NEK9: variants seen among roughly 807,000 people sequenced by gnomAD.
NEK9 encodes the protein NIMA related kinase 9, also known as serine/threonine-protein kinase Nek9.
A neutral mutation model predicts 123.4 loss-of-function variants in NEK9; 75 were observed. That is an observed-to-expected ratio of 0.61 (90% confidence interval 0.50 to 0.74). The LOEUF is 0.74. Among genes scored for constraint, NEK9 ranks in the 30% least tolerant of loss-of-function variants. The probability of loss-of-function intolerance (pLI) is 0.00; values close to 1 mark genes in which losing one functional copy is unlikely to be tolerated. For missense variants in NEK9, 952 were observed against 1,214.4 expected (o/e 0.78, Z 3.21); for synonymous variants, 438 against 458.7 (o/e 0.95, Z 0.58).
intron 2 of NEK9, among the ~76,000 whole-genome samples, chr14:75,121,825 G>A (rs562452334): frequency 2.0e-5 from 3 of 152,258 alleles, no homozygotes; most frequent in South Asian, 2.1e-4. Context: ...AGCTGGGATC[G>A]CACCACTGCA....
At chr14:75,113,032 G>A (rs1895008362) in intron 8 of NEK9, among the ~76,000 whole-genome samples, 1 of 152,178 alleles carries the variant, frequency 6.6e-6, no homozygotes, top group South Asian at 2.1e-4. Context: ...CAAACATAAG[G>A]ATGTCTGAGT....
intron 5 of NEK9, among the ~76,000 whole-genome samples, chr14:75,118,385 C>T (rs1895210244): frequency 6.6e-6 from 1 of 152,062 alleles, no homozygotes; most frequent in Non-Finnish European, 1.5e-5. Context: ...GAGAAGGGAC[C>T]CCTGTGCAGT....
chr14:75,107,526 T>G (rs138019226), intron 10 of NEK9, 39 bp from the exon 11 acceptor site: 1 of 1,500,254 alleles, frequency 6.7e-7, no homozygotes, highest in Non-Finnish European at 8.9e-7. Context: ...TTTTTTTAAT[T>G]ACATTTTATT....
At chr14:75,085,867 G>A (rs1894005299) in intron 21 of NEK9, among the ~76,000 whole-genome samples, 1 of 152,068 alleles carries the variant, frequency 6.6e-6, no homozygotes, top group African/African-American at 2.4e-5. Context: ...TCCAGCCTTG[G>A]TGACAATGCA....
chr14:75,084,466 A>C lies in NEK9; in HGVS notation c.*98T>G. 6.8e-7 allele frequency: 1 copy of C among 1,471,770 alleles called. No individual in the cohort carries two copies. Among genetic ancestry groups the C allele is most frequent in the Non-Finnish European group, 9.3e-7 (1 of 1,070,554 alleles). 91.2% of individuals were successfully genotyped at this position (1,471,770 alleles called of 1,614,324 possible). On this transcript the variant is annotated 3_prime_UTR_variant, in exon 22 of 22. Coordinates refer to ENST00000238616, the MANE Select transcript of NEK9 (RefSeq NM_033116.6). ...CCTCTGCCTTGCGCTCCTTTTCTGC[A>C]AGTGAACAAAGCCAGGAAAGCTGCT...
intron 14 of NEK9, 151 bp downstream of exon 14, chr14:75,103,691 T>C: frequency 1.3e-6 from 1 of 774,752 alleles, no homozygotes; most frequent in Non-Finnish European, 2.0e-6. Flanking sequence ...GCATGTACTC[T>C]TTGTGGCTGG....
At position 75,097,082 on chromosome 14, in the gene NEK9, G is replaced by A. The variant is rs761455225; in HGVS notation, c.2173+18C>T. 25 of 1,586,606 alleles carry A rather than the reference G, an allele frequency of 1.6e-5. No individual in the cohort carries two copies. Among genetic ancestry groups the A allele is most frequent in the Non-Finnish European group, 2.1e-5 (25 of 1,164,058 alleles). On this transcript the variant is annotated intron_variant, in intron 17 of 21. Transcript: ENST00000238616. ...CTCTGTCAAAGCCATCCCAACCCCAGACATATGAAACTCTTACCAACGATG... is the reference window on the plus strand; with the variant it reads ...CTCTGTCAAAGCCATCCCAACCCCAAACATATGAAACTCTTACCAACGATG...
rs150013785 is a variant in NEK9 at position 75,087,062 on chromosome 14, T to C, written c.2773A>G (p.Thr925Ala). ...TTCTTGTTCAACTTCTGCAGTTGGG[T>C]AAAAATCTGGAGGTTTTCTTGCTGT... is the stretch of plus-strand genomic sequence containing the variant. ...KLQQENLQIF[T>A]QLQKLNKKLE... is the part of the protein sequence containing the mutation. The change falls in exon 21 of 22, where the codon ACC becomes GCC. Residue 925 changes from threonine to alanine, a missense_variant. Physicochemically the swap from Thr to Ala is moderately conservative, Grantham distance 58. Around this residue, in one of 4 missense-constraint regions of NEK9, gnomAD observed 698 missense variants for 875.6 expected, o/e 0.80. Coordinates refer to ENST00000238616, the MANE Select transcript of NEK9 (RefSeq NM_033116.6). The C allele has an allele frequency of 5.9e-4, 953 of 1,614,120 alleles. No homozygotes were observed. The highest frequency in any genetic ancestry group is 7.5e-4 in the Non-Finnish European group (883 of 1,180,044).
Position 75,120,473 on chromosome 14 carries a change from AG to A in NEK9, c.524+36del, listed in dbSNP as rs762535389. The A allele has an allele frequency of 2.7e-6, 4 of 1,461,060 alleles. No individual in the cohort carries two copies. In the South Asian group the frequency reaches 4.7e-5, roughly 17 times the overall value. 90.5% of individuals were successfully genotyped at this position (1,461,060 alleles called of 1,614,324 possible). A position where few individuals can be genotyped will look rare whatever the true frequency, so the allele number is the denominator to read the frequency against. On this transcript the variant is annotated intron_variant, in intron 4 of 21. Transcript: ENST00000238616. The stretch of plus-strand genomic sequence containing the variant: ...TATCCACGGTAGGGGCTGAATTGGT[AG>A]GGAAGAATCCATCCATAATTTTTTT...
intron 10 of NEK9, among the ~76,000 whole-genome samples, chr14:75,108,815 G>A (rs1408453960): frequency 2.0e-5 from 3 of 152,020 alleles, no homozygotes; most frequent in Non-Finnish European, 2.9e-5. Context: ...TTGGCCTCCC[G>A]AAGTGCTGAG....
At chr14:75,124,939 T>A (rs1314868359) in intron 1 of NEK9, among the ~76,000 whole-genome samples, 1 of 738 alleles carries the variant, frequency 1.4e-3, no homozygotes, top group Admixed American at 0.071. Flanking sequence ...CTCAGCTAAA[T>A]TTTTTTTTTT....
At position 75,084,081 on chromosome 14, in the gene NEK9, A is replaced by G. The variant is rs1033440467; in HGVS notation, c.*483T>C. The G allele has an allele frequency of 6.1e-6, 1 of 163,144 alleles. No individual in the cohort carries two copies. The highest frequency in any genetic ancestry group is 1.4e-5 in the Non-Finnish European group (1 of 73,802). The allele number at this position is 163,144 out of a possible 1,614,324, so 10.1% of individuals were successfully genotyped here. Reference sequence around the variant, plus strand: ...CCCAAGAGGGCCAGACTACTTCACCACTCTGCAGAGGACACTGGGCGGGCC... The same window carrying G: ...CCCAAGAGGGCCAGACTACTTCACCGCTCTGCAGAGGACACTGGGCGGGCC... On this transcript the variant is annotated 3_prime_UTR_variant, in exon 22 of 22. Transcript: ENST00000238616.
At chr14:75,100,865 AT>A (rs1437212287) in intron 16 of NEK9, 126 bp downstream of exon 16, 2 of 963,246 alleles carry the variant, frequency 2.1e-6, no homozygotes, top group Non-Finnish European at 3.0e-6. Flanking sequence ...CCGGCCACCA[AT>A]TTAATACAAA....
At chr14:75,106,765 T>G in intron 11 of NEK9, 63 bp from the exon 12 acceptor site, 1 of 1,363,456 alleles carries the variant, frequency 7.3e-7, no homozygotes, top group Non-Finnish European at 1.0e-6. Flanking sequence ...ATCAGAAAGT[T>G]GGGCAGGGCT....
intron 4 of NEK9, among the ~76,000 whole-genome samples, chr14:75,119,610 G>A (rs1257288581): frequency 6.6e-6 from 1 of 152,180 alleles, no homozygotes; most frequent in Non-Finnish European, 1.5e-5. Context: ...CTTATGCCTT[G>A]AATTAAGTGA....
intron 9 of NEK9, 97 bp from the exon 10 acceptor site, chr14:75,109,974 TG>T: frequency 8.3e-7 from 1 of 1,198,266 alleles, no homozygotes; most frequent in Non-Finnish European, 1.2e-6. Context: ...CTGCCAATTA[TG>T]GTATGAGAAA....
In NEK9 at chr14:75,127,033, C is replaced by G. The variant is rs1177466824; in HGVS notation, c.-112G>C. ...CGCGGATCCGTCAGCCCAGCAACCC[C>G]GCGAAGCTCGATGGTGGCTCCTGCC... On this transcript the variant is annotated 5_prime_UTR_variant, in exon 1 of 22. Coordinates refer to ENST00000238616, the MANE Select transcript of NEK9 (RefSeq NM_033116.6). 5.8e-6 allele frequency: 5 copies of G among 858,542 alleles called. No homozygotes were observed. The highest frequency in any genetic ancestry group is 1.8e-5 in the African/African-American group (1 of 55,024). 53.2% of individuals were successfully genotyped at this position (858,542 alleles called of 1,614,324 possible). A position where few individuals can be genotyped will look rare whatever the true frequency, so the allele number is the denominator to read the frequency against.
At chr14:75,120,408 T>C (rs1336125294) in intron 4 of NEK9, 102 bp downstream of exon 4, 4 of 716,116 alleles carry the variant, frequency 5.6e-6, no homozygotes, top group African/African-American at 1.8e-5. Context: ...GAAAAACTCT[T>C]GGCTGCTTAA....
intron 19 of NEK9, among the ~76,000 whole-genome samples, chr14:75,090,439 G>A (rs926081729): frequency 6.6e-6 from 1 of 151,970 alleles, no homozygotes; most frequent in East Asian, 1.9e-4. Context: ...ACATAGTCTT[G>A]TTGACATTCT....
Sources: gnomAD v4.1 joint callset for allele counts (sites outside exome capture counted in the v4.1 genomes callset) on GRCh38, gnomAD v4.1.1 for gene constraint, gnomAD v4.1.1 regional missense constraint, MANE v1.5 for transcripts, NCBI Gene and HGNC (gene_info 2026-07-23, HGNC 2026-07-21) for gene names.